The following OR6N1 variants were observed in gnomAD, a reference collection of about 807,000 sequenced individuals.
The protein encoded by OR6N1 is olfactory receptor family 6 subfamily N member 1.
For synonymous variants in OR6N1, 170 were observed against 150.7 expected, an observed-to-expected ratio of 1.13 and a Z score of -0.94; for missense variants, 394 against 371.7, an observed-to-expected ratio of 1.06 and a Z score of -0.49.
chr1:158,806,421 A>G, the OR6N1 span, among the ~76,000 whole-genome samples: 12 of 152,134 alleles, frequency 7.9e-5, no homozygotes, highest in Non-Finnish European at 1.6e-4. Context: ...TATGTGGAAA[A>G]CTCTGAAGTA....
the OR6N1 span, among the ~76,000 whole-genome samples, chr1:158,816,157 C>CAAAAAA: frequency 1.1e-5 from 1 of 89,520 alleles, no homozygotes; most frequent in African/African-American, 3.9e-5. Context: ...GACACCATCT[C>CAAAAAA]AAAAAAAAAA....
At chr1:158,840,092 A>C in the OR6N1 span, among the ~76,000 whole-genome samples, 1 of 152,190 alleles carries the variant, frequency 6.6e-6, no homozygotes, top group Admixed American at 6.5e-5. Flanking sequence ...TACTTAATGC[A>C]TACATTGTAT....
At chr1:158,806,840 G>C in the OR6N1 span, among the ~76,000 whole-genome samples, 3 of 151,748 alleles carry the variant, frequency 2.0e-5, no homozygotes, top group Non-Finnish European at 4.4e-5. Context: ...TCTGGACCTA[G>C]TTCAGGTCCT....
the OR6N1 span, among the ~76,000 whole-genome samples, chr1:158,822,107 T>C: frequency 6.6e-6 from 1 of 152,158 alleles, no homozygotes; most frequent in Non-Finnish European, 1.5e-5. Flanking sequence ...ATCCCCTCTA[T>C]TAAGGCAACT....
At chr1:158,802,951 A>G in the OR6N1 span, among the ~76,000 whole-genome samples, 1 of 152,154 alleles carries the variant, frequency 6.6e-6, no homozygotes, top group South Asian at 2.1e-4. Context: ...GTGGGCATGT[A>G]CTTAGATGGA....
At chr1:158,835,079 A>T in the OR6N1 span, among the ~76,000 whole-genome samples, 1 of 152,350 alleles carries the variant, frequency 6.6e-6, no homozygotes, top group Non-Finnish European at 1.5e-5. Context: ...TTTCAAGATT[A>T]AAAAAGGCTA....
Position 158,766,205 on chromosome 1 carries a change from T to G in OR6N1, c.478A>C (p.Ile160Leu), listed in dbSNP as rs769808475. 1 of 1,613,942 alleles carries G rather than the reference T, an allele frequency of 6.2e-7. No individual in the cohort carries two copies. Among genetic ancestry groups the G allele is most frequent in the Non-Finnish European group, 8.5e-7 (1 of 1,179,990 alleles). ...AATGGGAGGCGTGAAATCAAGGAAA[T>G]TTCAACTACTGGCCCAGCCAAGCCT... ...LGGLAGPVVE[I>L]SLISRLPFCG... is the part of the protein sequence containing the mutation. Residue 160 changes from isoleucine (I) to leucine (L), a missense_variant, in exon 2 of 2, where the codon ATT becomes CTT. Physicochemically the swap from Ile to Leu is conservative, Grantham distance 5. Transcript: ENST00000641846.
chr1:158,786,611 T>C, the OR6N1 span, among the ~76,000 whole-genome samples: 3 of 152,074 alleles, frequency 2.0e-5, no homozygotes, highest in East Asian at 1.9e-4. Context: ...CATCCACCAG[T>C]AGATAAAGTA....
rs1437157319 is a variant in OR6N1 at position 158,764,749 on chromosome 1, C to T, written c.*995G>A. 1 of 152,032 alleles carries T rather than the reference C, an allele frequency of 6.6e-6. No individual in the cohort carries two copies. 9.4% of individuals were successfully genotyped at this position (152,032 alleles called of 1,614,324 possible). On this transcript the variant is annotated 3_prime_UTR_variant, in exon 2 of 2. Transcript: ENST00000641846. Reference sequence around the variant, plus strand: ...CACGTTTCAGGAAATAATTAGCTTACAATTCAATAAAGAAATGGTTCGATG... The same window carrying T: ...CACGTTTCAGGAAATAATTAGCTTATAATTCAATAAAGAAATGGTTCGATG...
At chr1:158,802,199 CTTTTTTTTTTT>C in the OR6N1 span, among the ~76,000 whole-genome samples, 2 of 105,194 alleles carry the variant, frequency 1.9e-5, no homozygotes. Context: ...CCTCATAGCA[CTTTTTTTTTTT>C]TTTTTTTTTT....
chr1:158,813,097 G>T, the OR6N1 span, among the ~76,000 whole-genome samples: 1 of 152,136 alleles, frequency 6.6e-6, no homozygotes, highest in African/African-American at 2.4e-5. Flanking sequence ...GATTGACAAG[G>T]TTCCAGAGGT....
At chr1:158,830,006 C>G in the OR6N1 span, among the ~76,000 whole-genome samples, 14 of 152,266 alleles carry the variant, frequency 9.2e-5, no homozygotes, top group African/African-American at 3.4e-4. Flanking sequence ...AAGATCTGCC[C>G]CCATAATTCA....
chr1:158,836,949 G>A, the OR6N1 span, among the ~76,000 whole-genome samples: 1 of 151,626 alleles, frequency 6.6e-6, no homozygotes, highest in East Asian at 1.9e-4. Flanking sequence ...TTTGACTTGT[G>A]ATTCTTTGTA....
At chr1:158,784,574 C>T in the OR6N1 span, among the ~76,000 whole-genome samples, 1 of 152,152 alleles carries the variant, frequency 6.6e-6, no homozygotes, top group African/African-American at 2.4e-5. Flanking sequence ...ATCTTTCACC[C>T]TCCCCTTTTC....
At chr1:158,837,232 A>G in the OR6N1 span, among the ~76,000 whole-genome samples, 43 of 151,628 alleles carry the variant, frequency 2.8e-4, no homozygotes, top group Admixed American at 7.2e-4. Flanking sequence ...TAAGTGGTCT[A>G]TAATGTTTTT....
chr1:158,778,342 G>GA, the OR6N1 span, among the ~76,000 whole-genome samples: 11 of 151,974 alleles, frequency 7.2e-5, no homozygotes, highest in East Asian at 1.9e-4. Flanking sequence ...CAGGATGACT[G>GA]AAAAAAAACT....
At chr1:158,784,972 T>C in the OR6N1 span, among the ~76,000 whole-genome samples, 1 of 152,214 alleles carries the variant, frequency 6.6e-6, no homozygotes, top group Admixed American at 6.5e-5. Flanking sequence ...AGCCATGATA[T>C]AGAATCAACC....
At chr1:158,786,355 G>A in the OR6N1 span, among the ~76,000 whole-genome samples, 1 of 152,108 alleles carries the variant, frequency 6.6e-6, no homozygotes, top group Non-Finnish European at 1.5e-5. Flanking sequence ...ATAGAAGTTA[G>A]CAGGGATGTG....
the OR6N1 span, among the ~76,000 whole-genome samples, chr1:158,783,031 C>T: frequency 1.8e-4 from 28 of 152,314 alleles, no homozygotes; most frequent in South Asian, 6.2e-4. Context: ...TAATTGACAA[C>T]GTTCCCTATT....
Sources: allele counts gnomAD v4.1 joint callset (sites outside exome capture counted in the v4.1 genomes callset), GRCh38; gene constraint gnomAD v4.1.1; transcripts MANE v1.5; gene names NCBI Gene and HGNC (gene_info 2026-07-23, HGNC 2026-07-21).